MYO9B: variants seen among roughly 807,000 people sequenced by gnomAD.
MYO9B encodes the protein unconventional myosin-IXb.
In MYO9B, 71 loss-of-function variants were observed where a neutral mutation model predicts 229.5. The observed-to-expected ratio is 0.31, with a 90% confidence interval of 0.26 to 0.38. The LOEUF is 0.38. MYO9B is among the 10% of genes least tolerant of loss of function. The pLI is 1.00. For missense variants in MYO9B, 2,255 were observed against 2,920.5 expected (o/e 0.77, Z 5.25); for synonymous variants, 1,185 against 1,235.8 (o/e 0.96, Z 0.86).
At chr19:17,162,524 C>A in intron 9 of MYO9B, 58 bp downstream of exon 9, 1 of 1,423,190 alleles carries the variant, frequency 7.0e-7, no homozygotes, top group Non-Finnish European at 9.6e-7. Flanking sequence ...TCCTCACTAC[C>A]AATATCCTTG....
At chr19:17,210,528 C>T in intron 37 of MYO9B, 148 bp downstream of exon 37, 1 of 1,238,946 alleles carries the variant, frequency 8.1e-7, no homozygotes, top group Non-Finnish European at 1.1e-6. Context: ...TGCCTGCTGA[C>T]CTTCTGTGCT....
chr19:17,087,248 C>T (rs2057591797), intron 1 of MYO9B, among the ~76,000 whole-genome samples: 1 of 152,156 alleles, frequency 6.6e-6, no homozygotes, highest in African/African-American at 2.4e-5. Context: ...CACGGGGAGG[C>T]GGGTGGCCAG....
chr19:17,152,605 T>A, intron 3 of MYO9B, 39 bp from the exon 4 acceptor site: 2 of 1,530,876 alleles, frequency 1.3e-6, no homozygotes, highest in East Asian at 2.3e-5. Flanking sequence ...AATACTAAAA[T>A]GTAATGTTTT....
chr19:17,118,997 C>T (rs2057935347), intron 2 of MYO9B, among the ~76,000 whole-genome samples: 1 of 152,232 alleles, frequency 6.6e-6, no homozygotes, highest in Non-Finnish European at 1.5e-5. Context: ...CTCGGCACCT[C>T]TCACCTCTCC....
chr19:17,168,446 G>A (rs761501633), intron 11 of MYO9B, among the ~76,000 whole-genome samples: 15 of 152,188 alleles, frequency 9.9e-5, no homozygotes, highest in Admixed American at 2.0e-4. Context: ...GATTACAGGC[G>A]TGTGCCACCA....
chr19:17,185,634 G>T (rs891814395), intron 17 of MYO9B, among the ~76,000 whole-genome samples: 1 of 152,018 alleles, frequency 6.6e-6, no homozygotes, highest in Non-Finnish European at 1.5e-5. Context: ...TCCAGAAAGC[G>T]TTTGTCTGGT....
At chr19:17,205,163 A>AC in intron 30 of MYO9B, 100 bp from the exon 31 acceptor site, 2 of 827,374 alleles carry the variant, frequency 2.4e-6, no homozygotes, top group East Asian at 5.3e-5. Context: ...AAAAAAAAAA[A>AC]AAAGAAGGCA....
intron 24 of MYO9B, among the ~76,000 whole-genome samples, chr19:17,199,265 C>T (rs1308442775): frequency 6.6e-6 from 1 of 151,988 alleles, no homozygotes; most frequent in East Asian, 1.9e-4. Context: ...TACCTATAAT[C>T]CCAACAACTC....
chr19:17,165,614 A>T (rs2072650861), intron 10 of MYO9B, among the ~76,000 whole-genome samples: 2 of 152,042 alleles, frequency 1.3e-5, no homozygotes, highest in Non-Finnish European at 2.9e-5. Flanking sequence ...TGCGAAAAAA[A>T]ATTTTTTTAT....
At chr19:17,084,352 T>C (rs1192532097) in intron 1 of MYO9B, among the ~76,000 whole-genome samples, 1 of 151,016 alleles carries the variant, frequency 6.6e-6, no homozygotes, top group Non-Finnish European at 1.5e-5. Context: ...AAAAAAAAAT[T>C]ATTGGGAATG....
chr19:17,121,675 A>G (rs80345779), intron 2 of MYO9B, among the ~76,000 whole-genome samples: 28 of 152,162 alleles, frequency 1.8e-4, no homozygotes, highest in Admixed American at 4.6e-4. Context: ...ACATGTGCAA[A>G]TGTTCACTTT....
At chr19:17,122,624 T>C (rs914917148) in intron 2 of MYO9B, among the ~76,000 whole-genome samples, 4 of 152,120 alleles carry the variant, frequency 2.6e-5, no homozygotes, top group African/African-American at 9.7e-5. Context: ...TGGCACATGC[T>C]TGTAATCCAA....
intron 14 of MYO9B, among the ~76,000 whole-genome samples, chr19:17,179,103 G>A (rs1344966810): frequency 6.6e-6 from 1 of 150,430 alleles, no homozygotes; most frequent in East Asian, 1.9e-4. Flanking sequence ...GTGGGCACCC[G>A]TCCTGTAGAC....
At chr19:17,094,129 G>A (rs1017600163) in intron 1 of MYO9B, among the ~76,000 whole-genome samples, 2 of 151,950 alleles carry the variant, frequency 1.3e-5, no homozygotes, top group Non-Finnish European at 2.9e-5. Context: ...TCCACCTCCC[G>A]AGTTCAAGGG....
chr19:17,113,851 G>A (rs1219802799), intron 2 of MYO9B, among the ~76,000 whole-genome samples: 1 of 152,154 alleles, frequency 6.6e-6, no homozygotes, highest in East Asian at 1.9e-4. Flanking sequence ...CCCCAGAGGC[G>A]ACGAGAAAGC....
chr19:17,175,781 G>A (rs2072780329), intron 14 of MYO9B, 40 bp downstream of exon 14: 4 of 1,433,446 alleles, frequency 2.8e-6, no homozygotes, highest in Middle Eastern at 1.8e-4. Flanking sequence ...AAATCATTAG[G>A]TGGCAGCAGC....
chr19:17,124,918 A>C (rs1187683442), intron 2 of MYO9B, among the ~76,000 whole-genome samples: 1 of 152,148 alleles, frequency 6.6e-6, no homozygotes, highest in Admixed American at 6.6e-5. Context: ...ACAAATAGGA[A>C]AGAACGGAAG....
chr19:17,108,764 T>C (rs932029587), intron 2 of MYO9B, among the ~76,000 whole-genome samples: 4 of 152,208 alleles, frequency 2.6e-5, no homozygotes, highest in Non-Finnish European at 5.9e-5. Context: ...TCGCCCAGGC[T>C]GGAGTGCAGT....
Position 17,152,653 on chromosome 19 carries a change from C to A in MYO9B, c.945C>A (p.Val315=). The A allele has an allele frequency of 1.2e-6, 2 of 1,612,724 alleles. No homozygotes were observed. The highest frequency in any genetic ancestry group is 1.7e-6 in the Non-Finnish European group (2 of 1,179,296). Residue 315 remains valine (V), a synonymous_variant, in exon 4 of 40, where the codon GTC becomes GTA. Coordinates refer to ENST00000682292, the MANE Select transcript of MYO9B (RefSeq NM_004145.4). ...LESGIVRGAV[V]EKYLLEKSRL... ...TTTCTCTTAATGACAGAGCTGTCGT[C>A]GAGAAATATCTGCTTGAAAAGTCTC...
Sources: gnomAD v4.1 joint callset for allele counts (sites outside exome capture counted in the v4.1 genomes callset) on GRCh38, gnomAD v4.1.1 for gene constraint, MANE v1.5 for transcripts, NCBI Gene and HGNC (gene_info 2026-07-23, HGNC 2026-07-21) for gene names.